The following JDP2 variants were observed in gnomAD, a reference collection of about 807,000 sequenced individuals.
The protein encoded by JDP2 is progesterone receptor co-activator.
A neutral mutation model predicts 17.1 loss-of-function variants in JDP2; 9 were observed. That is an observed-to-expected ratio of 0.53 (90% CI 0.32 to 0.92). The LOEUF is 0.92. Among genes scored for constraint, JDP2 ranks in the 40% least tolerant of loss-of-function variants. The probability of loss-of-function intolerance (pLI) is 0.04; values close to 1 mark genes in which losing one functional copy is unlikely to be tolerated. For missense variants in JDP2, 179 were observed against 220.0 expected, an observed-to-expected ratio of 0.81 and a Z score of 1.18; for synonymous variants, 107 against 95.6, an observed-to-expected ratio of 1.12 and a Z score of -0.69.
chr14:75,436,545 G>A (rs1430172965), intron 1 of JDP2, among the ~76,000 whole-genome samples: 3 of 152,240 alleles, frequency 2.0e-5, no homozygotes, highest in African/African-American at 7.2e-5. Context: ...TCTAAGAGCA[G>A]TTTTGTACTA....
rs1206242452 is a variant in JDP2, at chr14:75,472,039, CA to C, written c.*2567del. The C allele has an allele frequency of 6.6e-6, 1 of 152,232 alleles. No homozygotes were observed. The highest frequency in any genetic ancestry group is 2.4e-5 in the African/African-American group (1 of 41,432). 9.4% of individuals were successfully genotyped at this position (152,232 alleles called of 1,614,324 possible). A position where few individuals can be genotyped will look rare whatever the true frequency, so the allele number is the denominator to read the frequency against. ...TAGCCTGTGCAGGTGGGCTGTCTTC[CA>C]AAGTCACCACACCAGTGACTTGTGC... On this transcript the variant is annotated 3_prime_UTR_variant, in exon 4 of 4. Transcript: ENST00000651602.
chr14:75,437,829 C>A, intron 1 of JDP2, 69 bp from the exon 2 acceptor site: 1 of 1,080,352 alleles, frequency 9.3e-7, no homozygotes, highest in Non-Finnish European at 1.3e-6. Flanking sequence ...CCTGGCAAGA[C>A]GAGGGACTTG....
chr14:75,441,122 AGAGAGAGAGAGG>A (rs1331812385), intron 2 of JDP2, among the ~76,000 whole-genome samples: 1 of 151,422 alleles, frequency 6.6e-6, no homozygotes, highest in African/African-American at 2.4e-5. Flanking sequence ...TAGTTCCGAG[AGAGAGAGAGAGG>A]GAGAGAGAGA....
intron 2 of JDP2, among the ~76,000 whole-genome samples, chr14:75,443,224 G>A (rs1885438947): frequency 6.6e-6 from 1 of 152,190 alleles, no homozygotes; most frequent in African/African-American, 2.4e-5. Flanking sequence ...ACCAAGACGT[G>A]CATCCATGTT....
At chr14:75,435,744 T>C (rs1394219353) in intron 1 of JDP2, among the ~76,000 whole-genome samples, 1 of 152,162 alleles carries the variant, frequency 6.6e-6, no homozygotes, top group African/African-American at 2.4e-5. Context: ...TGATTGAGCC[T>C]CAGATCTTTT....
rs1451814510 is a variant in JDP2 at position 75,448,991 on chromosome 14, C to T, written c.201+10870C>T. Among the ~76,000 whole-genome samples the T allele has an allele frequency of 9.8e-5, 15 of 152,328 alleles. No homozygotes were observed. The South Asian group carries it at 1.0e-3, about 11-fold the overall frequency. On this transcript the variant is annotated intron_variant, in intron 2 of 3. Coordinates refer to ENST00000651602, the MANE Select transcript of JDP2 (RefSeq NM_001135048.2). ...TTGGTAAAACCCCTCTTCCATCCTC[C>T]GGGCCAGATATCCCTGGCTGTGAAC... is the stretch of plus-strand genomic sequence containing the variant.
chr14:75,446,602 G>A (rs931128727), intron 2 of JDP2, among the ~76,000 whole-genome samples: 1 of 152,174 alleles, frequency 6.6e-6, no homozygotes, highest in African/African-American at 2.4e-5. Flanking sequence ...GTCCAGAATA[G>A]GCAAATTCAT....
chr14:75,437,859 A>G (rs780230303), intron 1 of JDP2, 39 bp from the exon 2 acceptor site: 45 of 1,458,020 alleles, frequency 3.1e-5, no homozygotes, highest in South Asian at 5.2e-5. Flanking sequence ...GGAGCCCCCA[A>G]CCTGGCTGAC....
At chr14:75,454,775 G>A (rs144337618) in intron 2 of JDP2, among the ~76,000 whole-genome samples, 2 of 152,220 alleles carry the variant, frequency 1.3e-5, no homozygotes, top group African/African-American at 4.8e-5. Context: ...AGAACTTGTC[G>A]TTTTGAGGGA....
At chr14:75,431,517 C>A (rs948180983) in intron 1 of JDP2, among the ~76,000 whole-genome samples, 1 of 152,198 alleles carries the variant, frequency 6.6e-6, no homozygotes, top group African/African-American at 2.4e-5. Context: ...GAAATGGAAA[C>A]CTAGTTCTTG....
rs1313701829 is a variant in JDP2 at position 75,469,592 on chromosome 14, G to C, written c.*117G>C. On this transcript the variant is annotated 3_prime_UTR_variant, in exon 4 of 4. Transcript: ENST00000651602. Reference sequence around the variant, plus strand: ...TGGTGCATGAAAAACTGTACAATGAGGTTCAGCACAGCCAGCATCAGCCGA... The same window carrying C: ...TGGTGCATGAAAAACTGTACAATGACGTTCAGCACAGCCAGCATCAGCCGA... 3 of 858,070 alleles carry C rather than the reference G, an allele frequency of 3.5e-6. No homozygotes were observed. Among genetic ancestry groups the C allele is most frequent in the Non-Finnish European group, 5.3e-6 (3 of 563,360 alleles). The allele number at this position is 858,070 out of a possible 1,614,324, so 53.2% of individuals were successfully genotyped here. A position where few individuals can be genotyped will look rare whatever the true frequency, so the allele number is the denominator to read the frequency against.
chr14:75,441,536 T>C (rs1338388434), intron 2 of JDP2, among the ~76,000 whole-genome samples: 1 of 152,134 alleles, frequency 6.6e-6, no homozygotes, highest in African/African-American at 2.4e-5. Context: ...AGTGACGGCA[T>C]CCAAAAGTAA....
At chr14:75,459,057 A>C (rs1886233109) in intron 2 of JDP2, among the ~76,000 whole-genome samples, 2 of 152,230 alleles carry the variant, frequency 1.3e-5, no homozygotes, top group Admixed American at 6.5e-5. Flanking sequence ...CTGTGGAATA[A>C]GGCCCTGTGC....
intron 2 of JDP2, among the ~76,000 whole-genome samples, chr14:75,459,980 A>G (rs780387232): frequency 1.8e-4 from 28 of 152,346 alleles, no homozygotes; most frequent in Non-Finnish European, 3.2e-4. Context: ...AAATTGAACT[A>G]TTGAGCCTCA....
chr14:75,436,806 A>C (rs1159420153), intron 1 of JDP2, among the ~76,000 whole-genome samples: 1 of 152,214 alleles, frequency 6.6e-6, no homozygotes. Context: ...GACCTGTCTA[A>C]TTTACATCCT....
At chr14:75,454,284 A>G (rs990788437) in intron 2 of JDP2, among the ~76,000 whole-genome samples, 1 of 152,234 alleles carries the variant, frequency 6.6e-6, no homozygotes, top group Non-Finnish European at 1.5e-5. Context: ...GATCATGATC[A>G]GACCACCCAC....
chr14:75,459,754 G>A (rs540937103), intron 2 of JDP2, among the ~76,000 whole-genome samples: 57 of 152,322 alleles, frequency 3.7e-4, no homozygotes, highest in African/African-American at 1.3e-3. Flanking sequence ...TATGACTCTG[G>A]TCTGTCCCCA....
intron 2 of JDP2, among the ~76,000 whole-genome samples, chr14:75,443,286 T>C (rs1440313056): frequency 6.6e-6 from 1 of 152,194 alleles, no homozygotes; most frequent in African/African-American, 2.4e-5. Flanking sequence ...TGGGTAAATG[T>C]TGGCCTAAGC....
intron 2 of JDP2, among the ~76,000 whole-genome samples, chr14:75,451,305 G>A (rs1261683526): frequency 3.3e-5 from 5 of 151,688 alleles, no homozygotes; most frequent in Non-Finnish European, 5.9e-5. Flanking sequence ...GGCCTGGAAA[G>A]TGACAGTGGG....
Sources: gnomAD v4.1 joint callset for allele counts (sites outside exome capture counted in the v4.1 genomes callset) on GRCh38, gnomAD v4.1.1 for gene constraint, MANE v1.5 for transcripts, NCBI Gene and HGNC (gene_info 2026-07-23, HGNC 2026-07-21) for gene names.